Variants in RBM6 observed in about 807,000 individuals in gnomAD.
RBM6 encodes RNA-binding protein 6.
In RBM6, 23 loss-of-function variants were observed where a neutral mutation model predicts 140.4. The observed-to-expected ratio is 0.16, with a 90% confidence interval of 0.12 to 0.23. The LOEUF is 0.23. Among genes scored for constraint, RBM6 ranks in the 10% least tolerant of loss-of-function variants. RBM6 has a pLI of 1.00. For missense variants in RBM6, 1,139 were observed against 1,386.7 expected (o/e 0.82, Z 2.84); for synonymous variants, 439 against 475.6 (o/e 0.92, Z 1.00).
At chr3:50,003,868 G>GGCCTCT in intron 6 of RBM6, among the ~76,000 whole-genome samples, 1 of 152,334 alleles carries the variant, frequency 6.6e-6, no homozygotes, top group Non-Finnish European at 1.5e-5. Context: ...AGCACTGTCA[G>GGCCTCT]GCAGAGCCTT....
chr3:50,033,010 G>A (rs1321833733), intron 6 of RBM6, among the ~76,000 whole-genome samples: 1 of 151,138 alleles, frequency 6.6e-6, no homozygotes, highest in Non-Finnish European at 1.5e-5. Flanking sequence ...AAGAAATAGA[G>A]AAGAGACAGG....
At chr3:50,060,337 G>A (rs1029093744) in intron 11 of RBM6, among the ~76,000 whole-genome samples, 2 of 152,106 alleles carry the variant, frequency 1.3e-5, no homozygotes, top group Non-Finnish European at 2.9e-5. Context: ...TGACCCAGGA[G>A]TGGTAACTTG....
intron 6 of RBM6, among the ~76,000 whole-genome samples, chr3:50,013,658 C>G (rs565668300): frequency 6.6e-6 from 1 of 152,114 alleles, no homozygotes; most frequent in Non-Finnish European, 1.5e-5. Flanking sequence ...CAGCGAGGCT[C>G]TGTCTCAAAA....
At chr3:49,976,482 A>C (rs1249888877) in intron 5 of RBM6, among the ~76,000 whole-genome samples, 1 of 152,214 alleles carries the variant, frequency 6.6e-6, no homozygotes, top group Non-Finnish European at 1.5e-5. Context: ...AAGCATGAGT[A>C]AGAGTAGATA....
At chr3:49,988,739 G>A (rs1255186523) in intron 5 of RBM6, among the ~76,000 whole-genome samples, 2 of 152,096 alleles carry the variant, frequency 1.3e-5, no homozygotes, top group Non-Finnish European at 2.9e-5. Context: ...GGAGGCTGAG[G>A]CAGGTGGATT....
intron 1 of RBM6, among the ~76,000 whole-genome samples, chr3:49,947,099 A>T (rs77957314): frequency 6.6e-6 from 1 of 150,540 alleles, no homozygotes; most frequent in Non-Finnish European, 1.5e-5. Context: ...AAAAAAAAAA[A>T]AAATTAGCCG....
At chr3:50,046,179 G>A (rs2089210427) in intron 6 of RBM6, among the ~76,000 whole-genome samples, 1 of 151,786 alleles carries the variant, frequency 6.6e-6, no homozygotes, top group East Asian at 1.9e-4. Flanking sequence ...TACTCGGGAG[G>A]CTGAGGCAGG....
intron 6 of RBM6, among the ~76,000 whole-genome samples, chr3:50,021,850 G>A (rs2087507645): frequency 1.5e-5 from 2 of 133,738 alleles, no homozygotes; most frequent in South Asian, 2.3e-4. Context: ...TACCTCCTGG[G>A]TTCAGGAAAT....
At chr3:50,040,491 T>TACACAC (rs1373091608) in intron 6 of RBM6, among the ~76,000 whole-genome samples, 71 of 95,648 alleles carry the variant, frequency 7.4e-4, no homozygotes, top group African/African-American at 2.5e-3. Context: ...TATATATATA[T>TACACAC]ATACACACAC....
intron 6 of RBM6, among the ~76,000 whole-genome samples, chr3:50,014,918 G>A (rs765774758): frequency 1.3e-5 from 2 of 151,548 alleles, no homozygotes; most frequent in Non-Finnish European, 1.5e-5. Flanking sequence ...GCATGGTGGC[G>A]TACACCTGCA....
chr3:50,040,445 C>CAAAAAA (rs1163542465), intron 6 of RBM6, among the ~76,000 whole-genome samples: 1 of 67,658 alleles, frequency 1.5e-5, no homozygotes, highest in Non-Finnish European at 2.6e-5. Context: ...GGCTCCTTCT[C>CAAAAAA]AAAAAAAAAA....
chr3:49,978,531 A>G (rs750079289), intron 5 of RBM6, among the ~76,000 whole-genome samples: 3 of 152,192 alleles, frequency 2.0e-5, no homozygotes, highest in Non-Finnish European at 2.9e-5. Flanking sequence ...CTAGAGCTGT[A>G]TAAGTACAGG....
At chr3:50,049,216 C>T (rs1353290631) in intron 7 of RBM6, among the ~76,000 whole-genome samples, 1 of 151,984 alleles carries the variant, frequency 6.6e-6, no homozygotes, top group South Asian at 2.1e-4. Context: ...TCAAACGATT[C>T]TCCTGCCCCA....
intron 1 of RBM6, 124 bp from the exon 2 acceptor site, chr3:49,962,452 A>G (rs2084327670): frequency 3.4e-6 from 2 of 586,830 alleles, no homozygotes; most frequent in East Asian, 6.2e-5. Flanking sequence ...AAGAAAAGAA[A>G]GAAAAGAAAG....
intron 6 of RBM6, among the ~76,000 whole-genome samples, chr3:50,001,175 A>G (rs1042941146): frequency 4.6e-5 from 7 of 152,218 alleles, no homozygotes; most frequent in Admixed American, 1.3e-4. Flanking sequence ...ACAATAAAAA[A>G]TAATACAGGC....
At chr3:49,984,611 ACATCG>A (rs72219946) in intron 5 of RBM6, among the ~76,000 whole-genome samples, 36,598 of 84,614 alleles carry the variant, frequency 0.43, 5,114 homozygotes, top group East Asian at 0.55. Context: ...ACATCACATC[ACATCG>A]CATCGCATCG....
intron 6 of RBM6, among the ~76,000 whole-genome samples, chr3:50,003,580 A>T (rs2108747588): frequency 6.6e-6 from 1 of 152,286 alleles, no homozygotes; most frequent in East Asian, 1.9e-4. Flanking sequence ...ATTTTCTGCT[A>T]GCTTGCTTTG....
intron 3 of RBM6, among the ~76,000 whole-genome samples, chr3:49,970,633 A>G (rs756735650): frequency 6.6e-6 from 1 of 152,212 alleles, no homozygotes; most frequent in South Asian, 2.1e-4. Flanking sequence ...TAAATGTTAA[A>G]CTTCTTGAAT....
At chr3:49,983,176 A>G (rs1008129876) in intron 5 of RBM6, among the ~76,000 whole-genome samples, 2 of 152,238 alleles carry the variant, frequency 1.3e-5, no homozygotes, top group African/African-American at 4.8e-5. Flanking sequence ...TAACAGGCTC[A>G]TGTCCTTTCA....
Sources: allele counts gnomAD v4.1 joint callset (sites outside exome capture counted in the v4.1 genomes callset), GRCh38; gene constraint gnomAD v4.1.1; transcripts MANE v1.5; gene names NCBI Gene and HGNC (gene_info 2026-07-23, HGNC 2026-07-21).